Variants in SMYD3 observed in about 807,000 individuals in gnomAD.
The protein encoded by SMYD3 is histone-lysine N-methyltransferase SMYD3.
Under a neutral mutation model 57.7 loss-of-function variants are expected in SMYD3, and 36 were observed. The ratio of observed to expected loss-of-function variants is 0.62; its 90% confidence interval spans 0.48 to 0.82. The LOEUF is 0.82. SMYD3 is among the 40% of genes least tolerant of loss of function. The pLI is 0.00. For synonymous variants in SMYD3, 211 were observed against 195.0 expected, an observed-to-expected ratio of 1.08 and a Z score of -0.68; for missense variants, 515 against 538.8, an observed-to-expected ratio of 0.96 and a Z score of 0.44.
intron 5 of SMYD3, among the ~76,000 whole-genome samples, chr1:246,063,784 C>A (rs557011004): frequency 3.3e-5 from 5 of 152,018 alleles, no homozygotes; most frequent in Admixed American, 1.3e-4. Context: ...GGATTACAGG[C>A]GCATGCCACC....
chr1:245,765,460 T>A (rs1471338050), intron 10 of SMYD3, among the ~76,000 whole-genome samples: 1 of 151,762 alleles, frequency 6.6e-6, no homozygotes, highest in Non-Finnish European at 1.5e-5. Flanking sequence ...CCTGCAGGAG[T>A]TAAAACAATG....
At chr1:245,939,665 G>A (rs985498271) in intron 5 of SMYD3, among the ~76,000 whole-genome samples, 3 of 152,030 alleles carry the variant, frequency 2.0e-5, no homozygotes, top group African/African-American at 4.8e-5. Context: ...CCCTGGCCTA[G>A]AGGAGACAGG....
intron 3 of SMYD3, among the ~76,000 whole-genome samples, chr1:246,331,135 A>G (rs1438853672): frequency 1.3e-5 from 2 of 152,210 alleles, no homozygotes; most frequent in Non-Finnish European, 1.5e-5. Context: ...TCCCTGTCTC[A>G]AAAAAGAAAA....
At chr1:246,448,172 G>T (rs1048039803) in intron 1 of SMYD3, among the ~76,000 whole-genome samples, 1 of 152,120 alleles carries the variant, frequency 6.6e-6, no homozygotes, top group African/African-American at 2.4e-5. Flanking sequence ...AGCCAAGATC[G>T]CGCCATTGCA....
At chr1:246,451,016 G>A (rs1001694655) in intron 1 of SMYD3, among the ~76,000 whole-genome samples, 1 of 152,140 alleles carries the variant, frequency 6.6e-6, no homozygotes, top group East Asian at 1.9e-4. Context: ...ATCTCCCAAT[G>A]GTGGGTCACA....
chr1:246,451,067 C>A (rs1427014732), intron 1 of SMYD3, among the ~76,000 whole-genome samples: 1 of 152,218 alleles, frequency 6.6e-6, no homozygotes, highest in Non-Finnish European at 1.5e-5. Context: ...CAGGTGCCTG[C>A]CGGTCCTGGA....
At chr1:246,488,886 C>T (rs1444518034) in intron 1 of SMYD3, among the ~76,000 whole-genome samples, 1 of 152,070 alleles carries the variant, frequency 6.6e-6, no homozygotes, top group Non-Finnish European at 1.5e-5. Flanking sequence ...TTTATGAGTA[C>T]CAGCGTCACC....
chr1:245,970,783 A>G (rs2058279685), intron 5 of SMYD3, among the ~76,000 whole-genome samples: 1 of 152,242 alleles, frequency 6.6e-6, no homozygotes, highest in East Asian at 1.9e-4. Context: ...TGATCATTAA[A>G]AAGTAGGGAA....
intron 1 of SMYD3, among the ~76,000 whole-genome samples, chr1:246,381,401 T>C (rs1437755352): frequency 2.6e-5 from 4 of 152,350 alleles, no homozygotes; most frequent in Non-Finnish European, 1.5e-5. Context: ...AAACTTGGGA[T>C]GGCATTAAAG....
chr1:245,913,631 T>C (rs1196951669), intron 8 of SMYD3, among the ~76,000 whole-genome samples: 5 of 151,808 alleles, frequency 3.3e-5, no homozygotes, highest in South Asian at 2.1e-4. Context: ...AATGAGACTG[T>C]ATTAAACCAA....
chr1:246,407,525 T>G (rs983514680), intron 1 of SMYD3, among the ~76,000 whole-genome samples: 3 of 152,102 alleles, frequency 2.0e-5, no homozygotes, highest in African/African-American at 7.2e-5. Flanking sequence ...ATACCACACA[T>G]TGGGTGGCTT....
In SMYD3 at chr1:245,977,067, G is replaced by A. The variant is rs186267461; in HGVS notation, c.532-47130C>T. On this transcript the variant is annotated intron_variant, in intron 5 of 11. Transcript: ENST00000490107. ...CGTCTCCGGCCCAGGGAAAGCCATC[G>A]TCTCTAGCCTATGTTATTGTGACAC... Among the ~76,000 whole-genome samples the A allele has an allele frequency of 2.1e-4, 32 of 150,986 alleles. 2 individuals carry two copies. The highest frequency in any genetic ancestry group is 7.3e-4 in the African/African-American group (30 of 40,932).
intron 5 of SMYD3, among the ~76,000 whole-genome samples, chr1:246,248,636 C>CTTTTT (rs1178698803): frequency 4.4e-4 from 23 of 52,094 alleles, no homozygotes; most frequent in Non-Finnish European, 5.1e-4. Context: ...TCTGACTTTC[C>CTTTTT]TTTTTTTTTT....
chr1:246,013,455 C>T (rs1325652688), intron 5 of SMYD3, among the ~76,000 whole-genome samples: 1 of 152,204 alleles, frequency 6.6e-6, no homozygotes, highest in African/African-American at 2.4e-5. Context: ...GCTGGGGCTA[C>T]AGGCATGAGC....
chr1:246,387,384 G>T (rs2066502201), intron 1 of SMYD3, among the ~76,000 whole-genome samples: 1 of 152,202 alleles, frequency 6.6e-6, no homozygotes, highest in South Asian at 2.1e-4. Flanking sequence ...AATGTATTAA[G>T]TACCTCACAG....
At chr1:246,358,408 A>T (rs2065937963) in intron 1 of SMYD3, among the ~76,000 whole-genome samples, 2 of 152,208 alleles carry the variant, frequency 1.3e-5, no homozygotes, top group African/African-American at 4.8e-5. Context: ...TAGGTCATCA[A>T]GACAGAAAGT....
At chr1:245,844,060 C>T (rs2050539471) in intron 10 of SMYD3, among the ~76,000 whole-genome samples, 1 of 152,108 alleles carries the variant, frequency 6.6e-6, no homozygotes, top group African/African-American at 2.4e-5. Context: ...TGTGTCTTTC[C>T]TCAATTCCAA....
chr1:245,984,121 A>T (rs1572844537), intron 5 of SMYD3, among the ~76,000 whole-genome samples: 2 of 149,736 alleles, frequency 1.3e-5, no homozygotes, highest in South Asian at 2.1e-4. Flanking sequence ...TGCCTCAGCC[A>T]CCCAAGTAGC....
chr1:245,796,980 G>C (rs893396273), intron 10 of SMYD3, among the ~76,000 whole-genome samples: 1 of 152,208 alleles, frequency 6.6e-6, no homozygotes, highest in African/African-American at 2.4e-5. Flanking sequence ...AATTTGGAAG[G>C]ACAGGAGGAG....
Sources: gnomAD v4.1 joint callset for allele counts (sites outside exome capture counted in the v4.1 genomes callset) on GRCh38, gnomAD v4.1.1 for gene constraint, MANE v1.5 for transcripts, NCBI Gene and HGNC (gene_info 2026-07-23, HGNC 2026-07-21) for gene names.